The following JAKMIP2 variants were observed in gnomAD, a reference collection of about 807,000 sequenced individuals.
JAKMIP2 encodes the protein janus kinase and microtubule-interacting protein 2.
In JAKMIP2, 25 loss-of-function variants were observed where a neutral mutation model predicts 115.0. The observed-to-expected ratio is 0.22, with a 90% confidence interval of 0.16 to 0.30. JAKMIP2 has a LOEUF of 0.30. JAKMIP2 is among the 10% of genes least tolerant of loss of function. JAKMIP2 has a pLI of 1.00. For missense variants in JAKMIP2, 642 were observed against 957.6 expected, an observed-to-expected ratio of 0.67 and a Z score of 4.35; for synonymous variants, 334 against 343.6, an observed-to-expected ratio of 0.97 and a Z score of 0.31.
At chr5:147,675,478 T>G (rs1172486488) in intron 1 of JAKMIP2, among the ~76,000 whole-genome samples, 8 of 152,142 alleles carry the variant, frequency 5.3e-5, no homozygotes, top group Admixed American at 3.9e-4. Flanking sequence ...TGCTGCTTTT[T>G]TTTTTTTATT....
At chr5:147,689,811 TC>T (rs914740319) in intron 1 of JAKMIP2, among the ~76,000 whole-genome samples, 3 of 152,150 alleles carry the variant, frequency 2.0e-5, no homozygotes, top group African/African-American at 7.2e-5. Flanking sequence ...GCACATTTGT[TC>T]AATGAATATT....
At chr5:147,764,652 C>A (rs1442883712) in intron 1 of JAKMIP2, among the ~76,000 whole-genome samples, 1 of 151,560 alleles carries the variant, frequency 6.6e-6, no homozygotes, top group East Asian at 2.0e-4. Context: ...ATTTGGGAGG[C>A]CAAGGCGAGA....
chr5:147,640,963 T>G, intron 8 of JAKMIP2, 140 bp from the exon 9 acceptor site: 1 of 658,714 alleles, frequency 1.5e-6, no homozygotes. Flanking sequence ...AATAAAAACA[T>G]TAGGCATGAG....
chr5:147,772,728 T>G (rs1424121007), intron 1 of JAKMIP2, among the ~76,000 whole-genome samples: 1 of 152,116 alleles, frequency 6.6e-6, no homozygotes, highest in Non-Finnish European at 1.5e-5. Context: ...GGCTCCAGTT[T>G]GTAACCACTG....
intron 18 of JAKMIP2, among the ~76,000 whole-genome samples, chr5:147,619,365 A>G (rs1424294388): frequency 1.4e-5 from 2 of 144,436 alleles, no homozygotes; most frequent in Admixed American, 6.7e-5. Context: ...CTCTGTCTCT[A>G]ATTAGCATCA....
At chr5:147,703,682 C>T (rs1168870989) in intron 1 of JAKMIP2, among the ~76,000 whole-genome samples, 3 of 151,640 alleles carry the variant, frequency 2.0e-5, no homozygotes, top group Admixed American at 6.6e-5. Flanking sequence ...CTACCTCAGC[C>T]TCAAAGTGCT....
chr5:147,720,512 A>AG (rs1411213841), intron 1 of JAKMIP2, among the ~76,000 whole-genome samples: 6 of 147,700 alleles, frequency 4.1e-5, no homozygotes, highest in Non-Finnish European at 7.5e-5. Flanking sequence ...TGGTCTTTTC[A>AG]CATAGTCCCA....
chr5:147,620,350 A>G (rs1756790966), intron 18 of JAKMIP2, among the ~76,000 whole-genome samples: 1 of 152,186 alleles, frequency 6.6e-6, no homozygotes. Flanking sequence ...CCTGGGCTCA[A>G]GGGATCTGCC....
intron 1 of JAKMIP2, among the ~76,000 whole-genome samples, chr5:147,742,155 A>ATATATATATATATATATTTTTTTT: frequency 9.2e-6 from 1 of 108,908 alleles, no homozygotes; most frequent in African/African-American, 3.8e-5. Context: ...ATATATATAT[A>ATATATATATATATATATTTTTTTT]TTTTTTTTAC....
chr5:147,643,918 G>C (rs1333685565), intron 7 of JAKMIP2, 140 bp downstream of exon 7: 1 of 552,984 alleles, frequency 1.8e-6, no homozygotes, highest in Non-Finnish European at 3.0e-6. Context: ...TTGGAATACA[G>C]TCTCTAGAAC....
chr5:147,684,880 T>C (rs185178713), intron 1 of JAKMIP2, among the ~76,000 whole-genome samples: 20 of 152,258 alleles, frequency 1.3e-4, no homozygotes, highest in African/African-American at 4.8e-4. Context: ...TGGATTATGA[T>C]GGAGGGGTAG....
In JAKMIP2 at chr5:147,589,757, C is replaced by T. The variant is rs765237511; in HGVS notation, c.*1950G>A. Reference sequence around the variant, plus strand: ...TTAAAGATCCTGGTTTTGAATCTCTCAATTTTTATTGCTAATAATGTCCCA... The same window carrying T: ...TTAAAGATCCTGGTTTTGAATCTCTTAATTTTTATTGCTAATAATGTCCCA... On this transcript the variant is annotated 3_prime_UTR_variant, in exon 22 of 22. Coordinates refer to ENST00000616793, the MANE Select transcript of JAKMIP2 (RefSeq NM_001270941.2). The T allele has an allele frequency of 1.1e-4, 16 of 152,170 alleles. No individual in the cohort carries two copies. Among genetic ancestry groups the T allele is most frequent in the Non-Finnish European group, 1.5e-4 (10 of 68,036 alleles). 9.4% of individuals were successfully genotyped at this position (152,170 alleles called of 1,614,324 possible). A position where few individuals can be genotyped will look rare whatever the true frequency, so the allele number is the denominator to read the frequency against.
rs1317465548 is a variant in JAKMIP2, at chr5:147,628,737, G to C, written c.1995+14C>G. The stretch of plus-strand genomic sequence containing the variant: ...GACACCGAGATGATTTGAAATGTTT[G>C]TACGGCTCATTACCTTCTCTGCCAG... On this transcript the variant is annotated intron_variant, in intron 16 of 21. Coordinates refer to ENST00000616793, the MANE Select transcript of JAKMIP2 (RefSeq NM_001270941.2). 1 of 1,605,024 alleles carries C rather than the reference G, an allele frequency of 6.2e-7. No homozygotes were observed. The highest frequency in any genetic ancestry group is 8.5e-7 in the Non-Finnish European group (1 of 1,172,152).
Position 147,644,153 on chromosome 5 carries a change from G to C in JAKMIP2, c.1129C>G (p.Leu377Val). Residue 377 changes from leucine (L) to valine (V), a missense_variant, in exon 7 of 22, where the codon CTG (leucine) becomes GTG (valine). Physicochemically the swap from Leu to Val is conservative, Grantham distance 32. Coordinates refer to ENST00000616793, the MANE Select transcript of JAKMIP2 (RefSeq NM_001270941.2). Reference sequence around the variant, plus strand: ...TCATTAGCTTGGTCGAGGTCATTCAGAGATTTTAATTTCTTCAGGGGTGGA... The same window carrying C: ...TCATTAGCTTGGTCGAGGTCATTCACAGATTTTAATTTCTTCAGGGGTGGA... The part of the protein sequence containing the change: ...SHPPLKKLKS[L>V]NDLDQANEEQ... The C allele has an allele frequency of 6.2e-7, 1 of 1,605,884 alleles. No individual in the cohort carries two copies. Among genetic ancestry groups the C allele is most frequent in the Non-Finnish European group, 8.5e-7 (1 of 1,174,442 alleles).
chr5:147,715,239 G>C (rs920160449), intron 1 of JAKMIP2, among the ~76,000 whole-genome samples: 1 of 151,972 alleles, frequency 6.6e-6, no homozygotes, highest in Non-Finnish European at 1.5e-5. Context: ...GAACGAGGAA[G>C]AAATTAATGT....
chr5:147,737,257 T>C (rs1753960605), intron 1 of JAKMIP2, among the ~76,000 whole-genome samples: 1 of 152,212 alleles, frequency 6.6e-6, no homozygotes, highest in Non-Finnish European at 1.5e-5. Context: ...ATAACTCTGC[T>C]CTTGCAGTGT....
At chr5:147,615,875 T>A (rs1349134627) in intron 19 of JAKMIP2, among the ~76,000 whole-genome samples, 1 of 152,008 alleles carries the variant, frequency 6.6e-6, no homozygotes, top group Non-Finnish European at 1.5e-5. Context: ...ACAGAGAACA[T>A]TTGGCAGTAC....
chr5:147,618,161 TATCTGGTGTGGGAGTG>T (rs757798358), intron 18 of JAKMIP2, 47 bp from the exon 19 acceptor site: 13 of 1,107,012 alleles, frequency 1.2e-5, no homozygotes, highest in Middle Eastern at 2.3e-4. Flanking sequence ...TTGGCATTGA[TATCTGGTGTGGGAGTG>T]TATGCTATGT....
chr5:147,601,764 A>C lies in JAKMIP2; in HGVS notation c.2460T>G (p.Pro820=), dbSNP rs1244077371. 2 of 1,526,144 alleles carry C rather than the reference A, an allele frequency of 1.3e-6. No individual in the cohort carries two copies. Among genetic ancestry groups the C allele is most frequent in the Non-Finnish European group, 1.8e-6 (2 of 1,132,056 alleles). The allele number at this position is 1,526,144 out of a possible 1,614,324, so 94.5% of individuals were successfully genotyped here. ...LFFSLAFILW[P] ...ACCTTTAAGAGGCACCTTGACATCAAGGCCATAGAATAAAGGCAAGAGAGA... is the reference window on the plus strand; with the variant it reads ...ACCTTTAAGAGGCACCTTGACATCACGGCCATAGAATAAAGGCAAGAGAGA... The change falls in exon 21 of 22, where the codon CCT becomes CCG. Residue 820 remains proline, a synonymous_variant. Coordinates refer to ENST00000616793, the MANE Select transcript of JAKMIP2 (RefSeq NM_001270941.2).
Sources: allele counts gnomAD v4.1 joint callset (sites outside exome capture counted in the v4.1 genomes callset), GRCh38; gene constraint gnomAD v4.1.1; transcripts MANE v1.5; gene names NCBI Gene and HGNC (gene_info 2026-07-23, HGNC 2026-07-21).